PLCH1: variants seen among roughly 807,000 people sequenced by gnomAD.
PLCH1 encodes 1-phosphatidylinositol 4,5-bisphosphate phosphodiesterase eta-1.
PLCH1 carries 60 observed loss-of-function variants against 126.7 expected under a neutral mutation model. That is an observed-to-expected ratio of 0.47 (90% CI 0.38 to 0.59). The LOEUF (loss-of-function observed/expected upper bound fraction) is 0.59. Ranked by LOEUF, PLCH1 falls within the 20% of genes least tolerant of loss-of-function variation. The pLI, the probability that PLCH1 is intolerant of heterozygous loss-of-function variation, is 0.00. For synonymous variants in PLCH1, 719 were observed against 734.9 expected (o/e 0.98, Z 0.35); for missense variants, 1,723 against 2,040.0 (o/e 0.84, Z 2.99).
chr3:155,495,542 T>C (rs1474281292), intron 15 of PLCH1, among the ~76,000 whole-genome samples: 1 of 152,194 alleles, frequency 6.6e-6, no homozygotes, highest in African/African-American at 2.4e-5. Flanking sequence ...GCTGAGTGTG[T>C]CTGAGCCCAG....
chr3:155,483,716 C>T (rs766375720), intron 22 of PLCH1, among the ~76,000 whole-genome samples: 10 of 151,996 alleles, frequency 6.6e-5, no homozygotes. Context: ...TTTTAATACA[C>T]AAATTTCATA....
intron 21 of PLCH1, among the ~76,000 whole-genome samples, chr3:155,458,534 GAAAAAGAA>G (rs1560027534): frequency 2.2e-5 from 3 of 137,606 alleles, no homozygotes; most frequent in African/African-American, 8.8e-5. Context: ...GAGAAAGAAA[GAAAAAGAA>G]AAAGAAAGAA....
intron 1 of PLCH1, chr3:155,743,371 A>G: frequency 2.6e-6 from 1 of 384,650 alleles, no homozygotes; most frequent in Non-Finnish European, 5.0e-6. Context: ...GTCTCTACTA[A>G]AAATACAAAA....
chr3:155,486,685 C>T (rs986959199), intron 21 of PLCH1, among the ~76,000 whole-genome samples: 16 of 151,310 alleles, frequency 1.1e-4, no homozygotes, highest in Non-Finnish European at 2.1e-4. Flanking sequence ...CCACCGCGCC[C>T]GGCTAATTTT....
chr3:155,486,513 G>GTTTTT lies in PLCH1; in HGVS notation c.2620-808_2620-804dup, dbSNP rs397733786. On this transcript the variant is annotated intron_variant, in intron 21 of 22. Transcript: ENST00000460012. ...TTTAATTTATTTCTGGCTCAAGTTT[G>GTTTTT]TTTTTTTTTTTTTTTTTTTTTTGAG... Among the ~76,000 whole-genome samples, 417 of 101,986 alleles carry GTTTTT rather than the reference G, an allele frequency of 4.1e-3. 1 individual carries two copies. Among genetic ancestry groups the GTTTTT allele is most frequent in the Non-Finnish European group, 5.3e-3 (278 of 52,910 alleles). 66.9% of individuals were successfully genotyped at this position (101,986 alleles called of 152,430 possible). A position where few individuals can be genotyped will look rare whatever the true frequency, so the allele number is the denominator to read the frequency against.
chr3:155,497,623 T>C (rs940846985), intron 14 of PLCH1, among the ~76,000 whole-genome samples: 2 of 152,210 alleles, frequency 1.3e-5, no homozygotes, highest in Non-Finnish European at 2.9e-5. Flanking sequence ...TCCCCCCTTA[T>C]CCTCACTTTC....
Position 155,482,077 on chromosome 3 carries a change from A to C in PLCH1, c.3949T>G (p.Trp1317Gly). 1 of 1,614,182 alleles carries C rather than the reference A, an allele frequency of 6.2e-7. No individual in the cohort carries two copies. The highest frequency in any genetic ancestry group is 8.5e-7 in the Non-Finnish European group (1 of 1,180,032). Residue 1317 changes from tryptophan to glycine, a missense_variant, in exon 23 of 23, where the codon TGG becomes GGG. Physicochemically the swap from Trp to Gly is radical, Grantham distance 184 (BLOSUM62 -2). Around this residue, in one of 2 missense-constraint regions of PLCH1, gnomAD observed 947 missense variants for 977.1 expected, o/e 0.97. Transcript: ENST00000460012. ...LPKSPTKGED[W>G]ETLKSCSPAS... Reference sequence around the variant, plus strand: ...GGGCTGCAGCTCTTCAGTGTTTCCCAGTCTTCTCCCTTGGTAGGACTTTTT... The same window carrying C: ...GGGCTGCAGCTCTTCAGTGTTTCCCCGTCTTCTCCCTTGGTAGGACTTTTT...
intron 10 of PLCH1, among the ~76,000 whole-genome samples, chr3:155,533,192 T>C (rs1313084931): frequency 1.3e-5 from 2 of 152,182 alleles, no homozygotes; most frequent in Non-Finnish European, 2.9e-5. Flanking sequence ...TTGGAACTTA[T>C]GTTTAAAAGG....
Position 155,730,230 on chromosome 3 carries a change from C to A in PLCH1, c.-41+14610G>T, listed in dbSNP as rs76332644. ...ATAGAGAAGGAGATGGGATATGAAA[C>A]CTGATTTGTTCATAAGAATTCTCAA... is the stretch of plus-strand genomic sequence containing the variant. On this transcript the variant is annotated intron_variant, in intron 1 of 22. Coordinates refer to ENST00000460012, the MANE Select transcript of PLCH1 (RefSeq NM_014996.4). Among the ~76,000 whole-genome samples, 32 of 151,512 alleles carry A rather than the reference C, an allele frequency of 2.1e-4. 1 individual carries two copies. In the East Asian group the frequency reaches 6.0e-3, roughly 28 times the overall value.
intron 22 of PLCH1, among the ~76,000 whole-genome samples, chr3:155,484,657 A>G (rs1359788692): frequency 6.6e-6 from 1 of 152,184 alleles, no homozygotes; most frequent in Non-Finnish European, 1.5e-5. Context: ...GGAGTCACCA[A>G]CATCAGTCAA....
intron 2 of PLCH1, among the ~76,000 whole-genome samples, chr3:155,701,793 T>C (rs936115841): frequency 4.6e-5 from 7 of 152,178 alleles, no homozygotes; most frequent in African/African-American, 1.7e-4. Flanking sequence ...AATTCTTCCT[T>C]AAGTCAAGTA....
chr3:155,590,403 C>A (rs550166462), intron 4 of PLCH1, among the ~76,000 whole-genome samples: 210 of 152,190 alleles, frequency 1.4e-3, no homozygotes, highest in African/African-American at 4.7e-3. Context: ...ACGGTGAAAC[C>A]CCGTCTCTAC....
intron 10 of PLCH1, among the ~76,000 whole-genome samples, chr3:155,548,898 C>T (rs537162921): frequency 6.6e-6 from 1 of 152,324 alleles, no homozygotes; most frequent in South Asian, 2.1e-4. Flanking sequence ...GCTGCTCTCC[C>T]TTAAAGCCCC....
intron 21 of PLCH1, among the ~76,000 whole-genome samples, chr3:155,462,740 C>T (rs1712775668): frequency 6.6e-6 from 1 of 152,160 alleles, no homozygotes; most frequent in East Asian, 1.9e-4. Flanking sequence ...GCTACTCGCA[C>T]AGTGGTTAAG....
intron 2 of PLCH1, among the ~76,000 whole-genome samples, chr3:155,645,278 C>T (rs763215749): frequency 2.6e-5 from 4 of 152,148 alleles, no homozygotes; most frequent in Admixed American, 6.5e-5. Flanking sequence ...GGCACAATCA[C>T]GGCACACTGC....
At chr3:155,490,943 C>T in intron 18 of PLCH1, 75 bp from the exon 19 acceptor site, 1 of 821,664 alleles carries the variant, frequency 1.2e-6, no homozygotes. Context: ...AGAATATTGG[C>T]CAAAATGTCT....
chr3:155,506,375 A>G (rs1255002945), intron 12 of PLCH1, among the ~76,000 whole-genome samples: 1 of 139,510 alleles, frequency 7.2e-6, no homozygotes, highest in Non-Finnish European at 1.5e-5. Context: ...ATTATACTTT[A>G]AGTTTTAGGG....
intron 10 of PLCH1, among the ~76,000 whole-genome samples, chr3:155,549,530 T>C (rs1331803851): frequency 6.6e-6 from 1 of 152,182 alleles, no homozygotes; most frequent in Non-Finnish European, 1.5e-5. Context: ...CAGACTAAAA[T>C]ATCAAACATT....
intron 2 of PLCH1, among the ~76,000 whole-genome samples, chr3:155,628,323 C>T (rs957820553): frequency 1.4e-4 from 19 of 131,970 alleles, no homozygotes; most frequent in Non-Finnish European, 2.0e-4. Context: ...GGATGTAAGA[C>T]TTTCATTCCA....
Sources: gnomAD v4.1 joint callset for allele counts (sites outside exome capture counted in the v4.1 genomes callset) on GRCh38, gnomAD v4.1.1 for gene constraint, gnomAD v4.1.1 regional missense constraint, MANE v1.5 for transcripts, NCBI Gene and HGNC (gene_info 2026-07-23, HGNC 2026-07-21) for gene names.